Variants in LRRTM4 observed in about 807,000 individuals in gnomAD.
The protein encoded by LRRTM4 is leucine-rich repeat transmembrane neuronal protein 4.
In LRRTM4, 25 loss-of-function variants were observed where a neutral mutation model predicts 47.6. The ratio of observed to expected loss-of-function variants is 0.53; its 90% CI spans 0.38 to 0.73. LRRTM4 has a LOEUF of 0.73. LRRTM4 is among the 30% of genes least tolerant of loss of function. The pLI is 0.00. For synonymous variants in LRRTM4, 311 were observed against 269.5 expected (o/e 1.15, Z -1.51); for missense variants, 638 against 713.4 (o/e 0.89, Z 1.20).
intron 3 of LRRTM4, among the ~76,000 whole-genome samples, chr2:76,775,688 C>T (rs942066546): frequency 2.0e-5 from 3 of 152,050 alleles, no homozygotes; most frequent in South Asian, 2.1e-4. Context: ...TACATTTGCA[C>T]GAAACAGTGG....
At chr2:77,366,326 G>C (rs948350116) in intron 3 of LRRTM4, among the ~76,000 whole-genome samples, 23 of 151,826 alleles carry the variant, frequency 1.5e-4, no homozygotes, top group Admixed American at 3.3e-4. Flanking sequence ...ACACGTTTTT[G>C]TCCCTATTTT....
chr2:77,480,814 GT>G (rs1677652176), intron 3 of LRRTM4, among the ~76,000 whole-genome samples: 21 of 130,928 alleles, frequency 1.6e-4, no homozygotes, highest in Non-Finnish European at 2.7e-4. Context: ...GTGTGTGTGT[GT>G]GTGTGTGGAG....
chr2:76,911,537 G>T (rs1188118959), intron 3 of LRRTM4, among the ~76,000 whole-genome samples: 1 of 152,034 alleles, frequency 6.6e-6, no homozygotes, highest in Non-Finnish European at 1.5e-5. Flanking sequence ...CAAGATAATG[G>T]CAGTGGGATA....
At chr2:77,417,784 ATAGCATTT>A (rs1674702763) in intron 3 of LRRTM4, among the ~76,000 whole-genome samples, 1 of 151,852 alleles carries the variant, frequency 6.6e-6, no homozygotes, top group African/African-American at 2.4e-5. Flanking sequence ...GGGGGGAGGA[ATAGCATTT>A]TGAGATATAC....
chr2:76,895,340 G>A (rs72821253), intron 3 of LRRTM4, among the ~76,000 whole-genome samples: 18,338 of 151,972 alleles, frequency 0.12, 2,403 homozygotes, highest in African/African-American at 0.31. Flanking sequence ...CTTTATCCAT[G>A]AGAACGAAAA....
chr2:76,897,361 G>C (rs139001812), intron 3 of LRRTM4, among the ~76,000 whole-genome samples: 2 of 152,228 alleles, frequency 1.3e-5, no homozygotes, highest in East Asian at 1.9e-4. Flanking sequence ...GTAAGAGCTT[G>C]TGTGTAAGGG....
intron 3 of LRRTM4, among the ~76,000 whole-genome samples, chr2:77,042,673 A>T (rs978008277): frequency 1.4e-5 from 2 of 141,808 alleles, no homozygotes; most frequent in Non-Finnish European, 3.0e-5. Context: ...TCTTATGATG[A>T]TAAGTAAATT....
intron 3 of LRRTM4, among the ~76,000 whole-genome samples, chr2:77,075,838 C>A: frequency 7.4e-6 from 1 of 135,232 alleles, no homozygotes; most frequent in African/African-American, 2.8e-5. Context: ...TGGCGTGAAC[C>A]CGGGAGGCAG....
chr2:77,147,212 C>T (rs979888302), intron 3 of LRRTM4, among the ~76,000 whole-genome samples: 3 of 152,110 alleles, frequency 2.0e-5, no homozygotes, highest in African/African-American at 7.2e-5. Context: ...ATTGCTAATA[C>T]AGTACAACAC....
intron 3 of LRRTM4, among the ~76,000 whole-genome samples, chr2:77,423,291 G>T: frequency 2.0e-5 from 3 of 151,512 alleles, no homozygotes; most frequent in South Asian, 2.1e-4. Context: ...TTATTTTAGG[G>T]CACATGGGTC....
intron 3 of LRRTM4, among the ~76,000 whole-genome samples, chr2:77,019,893 G>A (rs1454473170): frequency 1.3e-5 from 2 of 152,032 alleles, no homozygotes; most frequent in Admixed American, 6.6e-5. Context: ...TGTGGGTGAA[G>A]GTTGAAAGAA....
chr2:76,990,962 G>A (rs1676984830), intron 3 of LRRTM4, among the ~76,000 whole-genome samples: 1 of 151,524 alleles, frequency 6.6e-6, no homozygotes, highest in African/African-American at 2.4e-5. Context: ...TTGAACCAAA[G>A]TGAAACAAAA....
At chr2:77,022,451 T>A (rs1319252090) in intron 3 of LRRTM4, among the ~76,000 whole-genome samples, 1 of 152,248 alleles carries the variant, frequency 6.6e-6, no homozygotes, top group African/African-American at 2.4e-5. Flanking sequence ...CATTTCAGCA[T>A]TAACCCAAAA....
chr2:77,153,411 G>A (rs200145331), intron 3 of LRRTM4, among the ~76,000 whole-genome samples: 1 of 152,072 alleles, frequency 6.6e-6, no homozygotes, highest in Non-Finnish European at 1.5e-5. Context: ...AAGCTCCCAA[G>A]TTTAAAAATC....
chr2:77,269,746 A>G (rs1223442885), intron 3 of LRRTM4, among the ~76,000 whole-genome samples: 1 of 152,198 alleles, frequency 6.6e-6, no homozygotes, highest in Non-Finnish European at 1.5e-5. Context: ...CCTTTGTTCA[A>G]CTATGCTTGT....
intron 3 of LRRTM4, among the ~76,000 whole-genome samples, chr2:77,268,381 T>G (rs1375877589): frequency 6.6e-6 from 1 of 152,108 alleles, no homozygotes; most frequent in Non-Finnish European, 1.5e-5. Flanking sequence ...TTCATTTCCT[T>G]TATACTTAAT....
chr2:77,104,558 A>C (rs1359326731), intron 3 of LRRTM4, among the ~76,000 whole-genome samples: 1 of 152,228 alleles, frequency 6.6e-6, no homozygotes, highest in South Asian at 2.1e-4. Flanking sequence ...ACTCGCCACA[A>C]ACCTCAAAAT....
intron 3 of LRRTM4, among the ~76,000 whole-genome samples, chr2:77,200,443 A>G (rs1673942428): frequency 6.6e-6 from 1 of 152,148 alleles, no homozygotes; most frequent in South Asian, 2.1e-4. Context: ...ATATATGCAT[A>G]CATATGTCAA....
At chr2:77,024,714 T>G (rs1260433066) in intron 3 of LRRTM4, among the ~76,000 whole-genome samples, 2 of 152,166 alleles carry the variant, frequency 1.3e-5, no homozygotes, top group Non-Finnish European at 2.9e-5. Flanking sequence ...CAAAATTACA[T>G]GTATGAACCA....
Sources: gnomAD v4.1 joint callset for allele counts (sites outside exome capture counted in the v4.1 genomes callset) on GRCh38, gnomAD v4.1.1 for gene constraint, MANE v1.5 for transcripts, NCBI Gene and HGNC (gene_info 2026-07-23, HGNC 2026-07-21) for gene names.